Variants in RIC3 observed in about 807,000 individuals in gnomAD.
The protein encoded by RIC3 is protein RIC-3.
RIC3 carries 28 observed loss-of-function variants against 27.3 expected under a neutral mutation model. The observed-to-expected ratio is 1.02, with a 90% CI of 0.76 to 1.41. The LOEUF (loss-of-function observed/expected upper bound fraction) is 1.41. Ranked by LOEUF, RIC3 falls within the 40% of genes most tolerant of loss-of-function variation. The probability of loss-of-function intolerance (pLI) is 0.00; values close to 1 mark genes in which losing one functional copy is unlikely to be tolerated. For missense variants in RIC3, 501 were observed against 444.7 expected, an observed-to-expected ratio of 1.13 and a Z score of -1.14; for synonymous variants, 184 against 160.4, an observed-to-expected ratio of 1.15 and a Z score of -1.11.
At chr11:8,138,431 G>A (rs1565049933) in intron 2 of RIC3, 84 bp from the exon 3 acceptor site, 2 of 787,730 alleles carry the variant, frequency 2.5e-6, no homozygotes, top group Non-Finnish European at 2.0e-6. Context: ...AAAAAAAAAG[G>A]TTGGGAAACA....
At chr11:8,166,250 T>C (rs1035531220) in intron 1 of RIC3, among the ~76,000 whole-genome samples, 1 of 152,214 alleles carries the variant, frequency 6.6e-6, no homozygotes, top group Non-Finnish European at 1.5e-5. Context: ...TTTACTAAAC[T>C]GTGGCCGCCT....
At chr11:8,162,510 A>G (rs1387659355) in intron 1 of RIC3, among the ~76,000 whole-genome samples, 1 of 152,054 alleles carries the variant, frequency 6.6e-6, no homozygotes, top group East Asian at 1.9e-4. Flanking sequence ...ATCTGCCTTT[A>G]GAATAAAACC....
At chr11:8,111,277 T>G (rs55800727) in intron 5 of RIC3, 140 bp from the exon 6 acceptor site, 2 of 657,892 alleles carry the variant, frequency 3.0e-6, no homozygotes, top group African/African-American at 3.6e-5. Context: ...AAGATTCCAA[T>G]AGTTCTAAAG....
At chr11:8,099,947 T>C in the RIC3 span, among the ~76,000 whole-genome samples, 2 of 152,106 alleles carry the variant, frequency 1.3e-5, no homozygotes, top group Admixed American at 6.5e-5. Context: ...TGAAGTCACA[T>C]CTCCAGCTTT....
At chr11:8,094,686 CCT>C in the RIC3 span, among the ~76,000 whole-genome samples, 8 of 152,226 alleles carry the variant, frequency 5.3e-5, no homozygotes, top group Admixed American at 2.6e-4. Flanking sequence ...TCCCTCTGCT[CCT>C]CTTTCTCCAG....
At chr11:8,130,454 A>T (rs1468054595) in intron 4 of RIC3, among the ~76,000 whole-genome samples, 1 of 152,060 alleles carries the variant, frequency 6.6e-6, no homozygotes, top group Non-Finnish European at 1.5e-5. Context: ...TGTTCCTTTG[A>T]TATTATGAGC....
the RIC3 span, chr11:8,100,715 C>A: frequency 6.5e-7 from 1 of 1,544,582 alleles, no homozygotes; most frequent in Non-Finnish European, 8.9e-7. Flanking sequence ...TGTGAGAAAG[C>A]CCTGGAGGTC....
chr11:8,109,198 G>A lies in RIC3; in HGVS notation c.*1500C>T, dbSNP rs1237707235. ...TTCTAACAGCAGTCTGTATGCTGAT[G>A]TATAATTTTAAACTGTTTTCCTGGC... On this transcript the variant is annotated 3_prime_UTR_variant, in exon 6 of 6. Transcript: ENST00000309737. The A allele has an allele frequency of 1.3e-5, 2 of 152,198 alleles. No individual in the cohort carries two copies. The highest frequency in any genetic ancestry group is 2.4e-5 in the African/African-American group (1 of 41,442). The allele number at this position is 152,198 out of a possible 1,614,324, so 9.4% of individuals were successfully genotyped here.
downstream of RIC3, chr11:8,101,738 T>C: frequency 2.1e-6 from 3 of 1,446,400 alleles, no homozygotes; most frequent in Admixed American, 2.4e-5. Flanking sequence ...GCTTTGGCCC[T>C]CAGTGGGCTC....
chr11:8,162,625 TCTTC>T (rs1951273822), intron 1 of RIC3, among the ~76,000 whole-genome samples: 2 of 143,344 alleles, frequency 1.4e-5, no homozygotes, highest in South Asian at 2.2e-4. Flanking sequence ...GCTCCATGCT[TCTTC>T]TTTTTTTTTT....
chr11:8,104,812 C>G (rs528484870), downstream of RIC3: 1 of 152,078 alleles, frequency 6.6e-6, no homozygotes, highest in Non-Finnish European at 1.5e-5. Context: ...ATGTCCAGAT[C>G]TATGGCGAAC....
At chr11:8,145,147 A>G (rs1338654437) in intron 1 of RIC3, among the ~76,000 whole-genome samples, 1 of 147,890 alleles carries the variant, frequency 6.8e-6, no homozygotes, top group African/African-American at 2.5e-5. Context: ...AACCTGCACA[A>G]TGTGCACATG....
At chr11:8,131,195 GC>G (rs1274331892) in intron 4 of RIC3, among the ~76,000 whole-genome samples, 2 of 152,094 alleles carry the variant, frequency 1.3e-5, no homozygotes, top group African/African-American at 4.8e-5. Context: ...CCTGTGCTAA[GC>G]TCTACAGCTA....
At chr11:8,114,359 C>T (rs1330027787) in intron 5 of RIC3, among the ~76,000 whole-genome samples, 3 of 152,106 alleles carry the variant, frequency 2.0e-5, no homozygotes, top group Non-Finnish European at 4.4e-5. Context: ...ATCTCACACA[C>T]TTTAGGAGGC....
intron 1 of RIC3, among the ~76,000 whole-genome samples, chr11:8,148,341 A>C (rs68084728): frequency 0.12 from 17,897 of 152,182 alleles, 1,443 homozygotes; most frequent in African/African-American, 0.23. Context: ...GATCTTAGTA[A>C]ATTAAATGAT....
chr11:8,155,207 A>G (rs1457428237), intron 1 of RIC3, among the ~76,000 whole-genome samples: 1 of 141,654 alleles, frequency 7.1e-6, no homozygotes, highest in Non-Finnish European at 1.5e-5. Flanking sequence ...GGGCAACAGG[A>G]GACCCCATCT....
In RIC3 at chr11:8,133,419, G is replaced by C. The variant is rs1250377819; in HGVS notation, c.521+3959C>G. Among the ~76,000 whole-genome samples the C allele has an allele frequency of 2.6e-5, 4 of 152,188 alleles. No individual in the cohort carries two copies. The East Asian group carries it at 7.7e-4, about 29-fold the overall frequency. On this transcript the variant is annotated intron_variant, in intron 4 of 5. Coordinates refer to ENST00000309737, the MANE Select transcript of RIC3 (RefSeq NM_001206671.4). ...ATAGGGCCTACCTGTAAGGATAAAA[G>C]GTGTTGGATTAAGGAGTGTCAGAGA...
At chr11:8,159,372 A>G (rs577466515) in intron 1 of RIC3, among the ~76,000 whole-genome samples, 1 of 152,340 alleles carries the variant, frequency 6.6e-6, no homozygotes, top group East Asian at 1.9e-4. Context: ...CAAATGGGGA[A>G]GAGAATTACA....
At chr11:8,134,975 G>A (rs1948205218) in intron 4 of RIC3, among the ~76,000 whole-genome samples, 1 of 152,088 alleles carries the variant, frequency 6.6e-6, no homozygotes, top group Non-Finnish European at 1.5e-5. Flanking sequence ...TTCTTTTGCT[G>A]TGCAGAAGCT....
Sources: gnomAD v4.1 joint callset for allele counts (sites outside exome capture counted in the v4.1 genomes callset) on GRCh38, gnomAD v4.1.1 for gene constraint, MANE v1.5 for transcripts, NCBI Gene and HGNC (gene_info 2026-07-23, HGNC 2026-07-21) for gene names.